Variants in RPTOR observed in about 807,000 individuals in gnomAD.
RPTOR encodes regulatory associated protein of MTOR complex 1.
A neutral mutation model predicts 169.9 loss-of-function variants in RPTOR; 21 were observed. That is an observed-to-expected ratio of 0.12 (90% CI 0.09 to 0.18). The LOEUF is 0.18. Among genes scored for constraint, RPTOR ranks in the 10% least tolerant of loss-of-function variants. The pLI, the probability that RPTOR is intolerant of heterozygous loss-of-function variation, is 1.00. For synonymous variants in RPTOR, 732 were observed against 753.2 expected, an observed-to-expected ratio of 0.97 and a Z score of 0.46; for missense variants, 1,133 against 1,855.9, an observed-to-expected ratio of 0.61 and a Z score of 7.16.
At chr17:80,868,795 G>T (rs2068020700) in intron 13 of RPTOR, among the ~76,000 whole-genome samples, 1 of 152,208 alleles carries the variant, frequency 6.6e-6, no homozygotes, top group South Asian at 2.1e-4. Context: ...ACTCAACAAT[G>T]AAAAGGCATG....
At chr17:80,912,727 G>A (rs2068627494) in intron 21 of RPTOR, among the ~76,000 whole-genome samples, 1 of 152,176 alleles carries the variant, frequency 6.6e-6, no homozygotes, top group Admixed American at 6.5e-5. Flanking sequence ...CGGTAAGGCA[G>A]TTAAGCACCT....
At position 80,822,246 on chromosome 17, in the gene RPTOR, G is replaced by A; in HGVS notation, c.936G>A (p.Leu312=). ...LNDRRTPLGE[L]NWIFTAITDT... The stretch of plus-strand genomic sequence containing the variant: ...ACAGGAGGACGCCCCTGGGTGAACT[G>A]AACTGGATCTTCACAGCCATCACAG... The change falls in exon 8 of 34, where the codon CTG becomes CTA. Residue 312 remains leucine (L), a synonymous_variant. Coordinates refer to ENST00000306801, the MANE Select transcript of RPTOR (RefSeq NM_020761.3). 1 of 1,614,202 alleles carries A rather than the reference G, an allele frequency of 6.2e-7. No individual in the cohort carries two copies. Among genetic ancestry groups the A allele is most frequent in the Non-Finnish European group, 8.5e-7 (1 of 1,180,020 alleles).
chr17:80,792,604 G>A (rs926920033), intron 7 of RPTOR, among the ~76,000 whole-genome samples: 1 of 152,110 alleles, frequency 6.6e-6, no homozygotes, highest in Non-Finnish European at 1.5e-5. Flanking sequence ...TCCAAACAGT[G>A]CAAGCTGTGA....
At chr17:80,742,440 G>C (rs1363216239) in intron 5 of RPTOR, among the ~76,000 whole-genome samples, 1 of 123,220 alleles carries the variant, frequency 8.1e-6, no homozygotes, top group Non-Finnish European at 1.8e-5. Context: ...AAGTTTAGGA[G>C]GAGCAGGTAC....
chr17:80,715,616 T>A lies in RPTOR; in HGVS notation c.507+7617T>A, dbSNP rs532368977. On this transcript the variant is annotated intron_variant, in intron 4 of 33. Coordinates refer to ENST00000306801, the MANE Select transcript of RPTOR (RefSeq NM_020761.3). ...TTTTTTTCAATTTTTTATTTTTCCA[T>A]AGGTTATTGGGGTACAGGTGGTGTT... 2.6e-5 allele frequency among the ~76,000 whole-genome samples: 4 copies of A among 151,948 alleles called. No homozygotes were observed. The East Asian group carries it at 7.7e-4, about 29-fold the overall frequency.
At chr17:80,955,220 G>A (rs7224748) in intron 28 of RPTOR, among the ~76,000 whole-genome samples, 54,799 of 152,138 alleles carry the variant, frequency 0.36, 10,606 homozygotes, top group East Asian at 0.55. Flanking sequence ...AGGCGCAGAC[G>A]GCATTAAGAA....
At chr17:80,732,128 A>G (rs541162522) in intron 5 of RPTOR, among the ~76,000 whole-genome samples, 1 of 152,318 alleles carries the variant, frequency 6.6e-6, no homozygotes, top group Admixed American at 6.5e-5. Context: ...ATTGAGAGGT[A>G]ATTTATTTTT....
chr17:80,622,212 G>A (rs1299356901), intron 1 of RPTOR, among the ~76,000 whole-genome samples: 1 of 152,296 alleles, frequency 6.6e-6, no homozygotes, highest in African/African-American at 2.4e-5. Context: ...GCCAGGGTTT[G>A]AATCAATCCC....
intron 6 of RPTOR, chr17:80,774,412 C>A (rs1490767180): frequency 2.6e-5 from 24 of 934,630 alleles, no homozygotes; most frequent in Non-Finnish European, 2.9e-5. Context: ...TTACTAATAA[C>A]CCAGGACTTG....
In RPTOR at chr17:80,947,992, C is replaced by T. The variant is rs2069123284; in HGVS notation, c.3265+641C>T. 6.6e-6 allele frequency among the ~76,000 whole-genome samples: 1 copy of T among 152,254 alleles called. No individual in the cohort carries two copies. Among genetic ancestry groups the T allele is most frequent in the African/African-American group, 2.4e-5 (1 of 41,460 alleles). On this transcript the variant is annotated intron_variant, in intron 27 of 33. Transcript: ENST00000306801. This position sits in a 1 kb window ranked among gnomAD's most constrained non-coding sequence, Gnocchi z 4.4. ...GTTTGTTTCCATGTCAGTTACCCCA[C>T]GTTGACAGTCATTTTCCTTTAGCGC...
chr17:80,785,670 C>T (rs536209935), intron 6 of RPTOR, among the ~76,000 whole-genome samples: 1 of 151,690 alleles, frequency 6.6e-6, no homozygotes, highest in African/African-American at 2.4e-5. Context: ...TTTTGTGGCC[C>T]GAGTGCTTTC....
rs113149562 is a variant in RPTOR, at chr17:80,837,970, G to A, written c.1185G>A (p.Thr395=). The change falls in exon 10 of 34, where the codon ACG becomes ACA. Residue 395 remains threonine (T), a synonymous_variant. Transcript: ENST00000306801. ...AVDICLSQLP[T]IIEEGTAFRH... ...ACATCTGTCTGTCTCAGCTGCCGACGATCATCGAGGAAGGCACTGCGTTTC... is the reference window on the plus strand; with the variant it reads ...ACATCTGTCTGTCTCAGCTGCCGACAATCATCGAGGAAGGCACTGCGTTTC... 7,200 of 1,611,670 alleles carry A rather than the reference G, an allele frequency of 4.5e-3. 103 individuals carry two copies. Among genetic ancestry groups the A allele is most frequent in the African/African-American group, 0.041 (3,102 of 75,010 alleles).
At chr17:80,759,092 G>A (rs1194562503) in intron 6 of RPTOR, among the ~76,000 whole-genome samples, 3 of 151,874 alleles carry the variant, frequency 2.0e-5, no homozygotes, top group East Asian at 3.9e-4. Flanking sequence ...GTGGCAGTGC[G>A]TCCTGTAGTC....
At chr17:80,644,304 T>A (rs1378824060) in intron 3 of RPTOR, among the ~76,000 whole-genome samples, 1 of 96,712 alleles carries the variant, frequency 1.0e-5, no homozygotes, top group Non-Finnish European at 2.0e-5. Context: ...AATTAGTGTG[T>A]GGGTTTTTTT....
At chr17:80,919,073 G>T (rs1567986588) in intron 21 of RPTOR, among the ~76,000 whole-genome samples, 1 of 152,216 alleles carries the variant, frequency 6.6e-6, no homozygotes, top group Non-Finnish European at 1.5e-5. Context: ...CAGCGCCTAG[G>T]ACTGAGGGCA....
At position 80,964,274 on chromosome 17, in the gene RPTOR, G is replaced by T. The variant is rs371220837; in HGVS notation, c.3952G>T (p.Val1318Leu). The T allele has an allele frequency of 6.2e-7, 1 of 1,606,184 alleles. No individual in the cohort carries two copies. Among genetic ancestry groups the T allele is most frequent in the African/African-American group, 1.3e-5 (1 of 74,772 alleles). Residue 1318 changes from valine to leucine, a missense_variant, in exon 34 of 34, where the codon GTG becomes TTG. By Grantham distance (32) the Val-to-Leu change is conservative (BLOSUM62 1). Coordinates refer to ENST00000306801, the MANE Select transcript of RPTOR (RefSeq NM_020761.3). ...TCTCTCCTTGCAGCCTCACCTGGCC[G>T]TGGGAAGCAACGACTACTACATCTC... Reference protein sequence around the residue: ...AFHPHWPHLAVGSNDYYISVY... With the variant: ...AFHPHWPHLALGSNDYYISVY...
chr17:80,801,002 G>A (rs1252091909), intron 7 of RPTOR, among the ~76,000 whole-genome samples: 1 of 152,254 alleles, frequency 6.6e-6, no homozygotes, highest in Non-Finnish European at 1.5e-5. Context: ...AGGGACAGCA[G>A]GTGCGGGGCT....
chr17:80,923,857 C>T (rs1567989510), intron 23 of RPTOR, 184 bp downstream of exon 23: 3 of 632,990 alleles, frequency 4.7e-6, no homozygotes, highest in East Asian at 5.6e-5. Flanking sequence ...CACTCGTGCA[C>T]CCCTCTGCCT....
rs913800862 is a variant in RPTOR, at chr17:80,708,060, C to T, written c.507+61C>T. 2.0e-6 allele frequency: 3 copies of T among 1,524,952 alleles called. No homozygotes were observed. Among genetic ancestry groups the T allele is most frequent in the South Asian group, 1.2e-5 (1 of 82,748 alleles). The allele number at this position is 1,524,952 out of a possible 1,614,324, so 94.5% of individuals were successfully genotyped here. On this transcript the variant is annotated intron_variant, in intron 4 of 33. Transcript: ENST00000306801. This position sits in a 1 kb window ranked among gnomAD's most constrained non-coding sequence, Gnocchi z 4.2. ...CAAAAGCCATGCCAATTGCGGTGGTCGGAGCAGGTCCTGCCCATCCGTAGC... is the reference window on the plus strand; with the variant it reads ...CAAAAGCCATGCCAATTGCGGTGGTTGGAGCAGGTCCTGCCCATCCGTAGC...
Sources: gnomAD v4.1 joint callset for allele counts (sites outside exome capture counted in the v4.1 genomes callset) on GRCh38, gnomAD v4.1.1 for gene constraint, Gnocchi (gnomAD v3.1) non-coding constraint, MANE v1.5 for transcripts, NCBI Gene and HGNC (gene_info 2026-07-23, HGNC 2026-07-21) for gene names.